TMEM150C: variants seen among roughly 807,000 people sequenced by gnomAD.
TMEM150C encodes tentonin 3.
In TMEM150C, 10 loss-of-function variants were observed where a neutral mutation model predicts 29.9. That is an observed-to-expected ratio of 0.33 (90% CI 0.21 to 0.57). The LOEUF is 0.57. TMEM150C is among the 20% of genes least tolerant of loss of function. The pLI, the probability that TMEM150C is intolerant of heterozygous loss-of-function variation, is 0.88. For synonymous variants in TMEM150C, 101 were observed against 112.5 expected (o/e 0.90, Z 0.64); for missense variants, 251 against 303.6 (o/e 0.83, Z 1.29).
chr4:82,554,924 A>G (rs1331880657), intron 1 of TMEM150C, among the ~76,000 whole-genome samples: 1 of 152,170 alleles, frequency 6.6e-6, no homozygotes, highest in African/African-American at 2.4e-5. Context: ...GCCTTGAACA[A>G]AATCTGAATA....
At chr4:82,533,839 T>G (rs956572529) in intron 1 of TMEM150C, among the ~76,000 whole-genome samples, 1 of 152,208 alleles carries the variant, frequency 6.6e-6, no homozygotes, top group African/African-American at 2.4e-5. Context: ...AATGAAAGAA[T>G]GTAAATCAGG....
chr4:82,562,008 G>A, upstream of TMEM150C: 1 of 1,122,088 alleles, frequency 8.9e-7, no homozygotes, highest in Non-Finnish European at 1.1e-6. Flanking sequence ...CCTTCAGGAA[G>A]GGGTGGGATC....
intron 1 of TMEM150C, among the ~76,000 whole-genome samples, chr4:82,518,240 C>T (rs1029873835): frequency 5.3e-5 from 8 of 151,760 alleles, no homozygotes; most frequent in Non-Finnish European, 1.0e-4. Context: ...TGCTTGAACC[C>T]GGGAGGTGGA....
chr4:82,499,745 G>C (rs201682820), intron 5 of TMEM150C, among the ~76,000 whole-genome samples: 2 of 79,650 alleles, frequency 2.5e-5, no homozygotes, highest in Non-Finnish European at 4.7e-5. Flanking sequence ...AAAAAAAAAA[G>C]CACAAATAGA....
intron 1 of TMEM150C, among the ~76,000 whole-genome samples, chr4:82,506,897 G>C (rs909470772): frequency 3.9e-5 from 6 of 152,218 alleles, no homozygotes; most frequent in Admixed American, 1.3e-4. Context: ...AATGAAACAG[G>C]GTCCTCAAAT....
intron 1 of TMEM150C, among the ~76,000 whole-genome samples, chr4:82,542,780 G>T (rs140173818): frequency 2.6e-5 from 4 of 152,172 alleles, no homozygotes; most frequent in African/African-American, 7.2e-5. Context: ...GTGATTGCCA[G>T]TGTCATTAAA....
chr4:82,492,406 G>C (rs933825832), intron 6 of TMEM150C, among the ~76,000 whole-genome samples: 2 of 152,138 alleles, frequency 1.3e-5, no homozygotes, highest in Non-Finnish European at 2.9e-5. Context: ...GGGATTACAG[G>C]CATGAGCCAA....
At chr4:82,557,734 CTTTT>C (rs767919077) in intron 1 of TMEM150C, among the ~76,000 whole-genome samples, 3 of 131,366 alleles carry the variant, frequency 2.3e-5, no homozygotes, top group Admixed American at 7.7e-5. Context: ...TTTTCTTTTT[CTTTT>C]TTTTTTTTTT....
intron 1 of TMEM150C, 49 bp downstream of exon 1, chr4:82,561,857 C>T (rs980094797): frequency 3.1e-6 from 3 of 981,682 alleles, no homozygotes; most frequent in African/African-American, 3.5e-5. Context: ...GGCCGGACGC[C>T]CCCTGGCTGC....
Position 82,559,786 on chromosome 4 carries a change from C to A in TMEM150C, c.-11+2120G>T, listed in dbSNP as rs540069442. On this transcript the variant is annotated intron_variant, in intron 1 of 7. Transcript: ENST00000449862. ...GGATGACTGAGAAGTAATACATTAT[C>A]TTGTCAGTGCTTGTCTTGCTTAATT... is the stretch of plus-strand genomic sequence containing the variant. Among the ~76,000 whole-genome samples the A allele has an allele frequency of 4.0e-4, 61 of 152,304 alleles. 1 individual carries two copies. The Middle Eastern group carries it at 0.017, about 43-fold the overall frequency.
intron 1 of TMEM150C, among the ~76,000 whole-genome samples, chr4:82,528,522 A>G (rs1440945852): frequency 6.6e-6 from 1 of 151,936 alleles, no homozygotes; most frequent in African/African-American, 2.4e-5. Flanking sequence ...ATAAAAATTC[A>G]TTGGAAATTA....
At chr4:82,489,761 G>T (rs1178241134) in intron 7 of TMEM150C, among the ~76,000 whole-genome samples, 2 of 152,136 alleles carry the variant, frequency 1.3e-5, no homozygotes, top group South Asian at 2.1e-4. Context: ...TTTTGGCTGT[G>T]CATTCTCTGA....
chr4:82,550,259 T>A (rs1460894919), intron 1 of TMEM150C, among the ~76,000 whole-genome samples: 1 of 150,936 alleles, frequency 6.6e-6, no homozygotes, highest in Non-Finnish European at 1.5e-5. Context: ...TCTCATGAAC[T>A]CTCTCTCTCT....
At chr4:82,539,534 G>A (rs548587659) in intron 1 of TMEM150C, among the ~76,000 whole-genome samples, 2 of 151,534 alleles carry the variant, frequency 1.3e-5, no homozygotes, top group Non-Finnish European at 2.9e-5. Flanking sequence ...CTCACTGCAA[G>A]CTCCGCCTCC....
chr4:82,520,953 T>C (rs1724463931), intron 1 of TMEM150C, among the ~76,000 whole-genome samples: 1 of 152,154 alleles, frequency 6.6e-6, no homozygotes, highest in Admixed American at 6.5e-5. Context: ...TCTCTGACTT[T>C]ACGCACTACT....
At chr4:82,490,887 G>T in intron 6 of TMEM150C, 1 of 707,236 alleles carries the variant, frequency 1.4e-6, no homozygotes, top group South Asian at 1.4e-5. Flanking sequence ...GTGAGCCACA[G>T]ACTTGGGACC....
intron 1 of TMEM150C, among the ~76,000 whole-genome samples, chr4:82,559,827 C>T (rs1725861965): frequency 6.6e-6 from 1 of 152,164 alleles, no homozygotes; most frequent in South Asian, 2.1e-4. Context: ...CTGAACTGAT[C>T]CCAAATGGCC....
chr4:82,521,154 C>G (rs1260657394), intron 1 of TMEM150C, among the ~76,000 whole-genome samples: 1 of 152,184 alleles, frequency 6.6e-6, no homozygotes, highest in Non-Finnish European at 1.5e-5. Flanking sequence ...CATTGAAAAT[C>G]CCCTAACCCC....
At chr4:82,521,393 T>C (rs1027783063) in intron 1 of TMEM150C, among the ~76,000 whole-genome samples, 2 of 152,100 alleles carry the variant, frequency 1.3e-5, no homozygotes, top group African/African-American at 2.4e-5. Flanking sequence ...TGCTACCAAA[T>C]GGGAAATATA....
Sources: allele counts gnomAD v4.1 joint callset (sites outside exome capture counted in the v4.1 genomes callset), GRCh38; gene constraint gnomAD v4.1.1; transcripts MANE v1.5; gene names NCBI Gene and HGNC (gene_info 2026-07-23, HGNC 2026-07-21).